The following KIAA1755 variants were observed in gnomAD, a reference collection of about 807,000 sequenced individuals.
KIAA1755 encodes the protein uncharacterized protein KIAA1755.
A neutral mutation model predicts 91.7 loss-of-function variants in KIAA1755; 68 were observed. The observed-to-expected ratio is 0.74, with a 90% confidence interval of 0.61 to 0.91. The LOEUF is 0.91. KIAA1755 is among the 40% of genes least tolerant of loss of function. The pLI, the probability that KIAA1755 is intolerant of heterozygous loss-of-function variation, is 0.00. For missense variants in KIAA1755, 1,535 were observed against 1,494.4 expected (o/e 1.03, Z -0.45); for synonymous variants, 610 against 604.6 (o/e 1.01, Z -0.13).
At chr20:38,227,668 G>T (rs1012188144) in intron 6 of KIAA1755, among the ~76,000 whole-genome samples, 4 of 152,242 alleles carry the variant, frequency 2.6e-5, no homozygotes. Context: ...AGGCCACAGG[G>T]TTGGGTGTGG....
intron 8 of KIAA1755, 93 bp downstream of exon 8, chr20:38,225,572 G>T (rs1024200595): frequency 3.7e-5 from 31 of 842,684 alleles, no homozygotes; most frequent in Non-Finnish European, 6.2e-5. Flanking sequence ...TTATTTTTTA[G>T]CATAGCAGGG....
At chr20:38,216,053 G>A (rs753814706) in intron 13 of KIAA1755, among the ~76,000 whole-genome samples, 2 of 152,104 alleles carry the variant, frequency 1.3e-5, no homozygotes, top group Admixed American at 6.5e-5. Context: ...TCATAGGATC[G>A]GGGCGACAAT....
chr20:38,229,851 C>T (rs1358908680), intron 5 of KIAA1755, among the ~76,000 whole-genome samples: 5 of 152,176 alleles, frequency 3.3e-5, no homozygotes, highest in Non-Finnish European at 7.3e-5. Flanking sequence ...GTCTACCACA[C>T]TAGTCACTTT....
At position 38,211,287 on chromosome 20, in the gene KIAA1755, T is replaced by TC. The variant is rs2075448442; in HGVS notation, c.*1754dup. 1 of 152,302 alleles carries TC rather than the reference T, an allele frequency of 6.6e-6. No homozygotes were observed. The highest frequency in any genetic ancestry group is 6.5e-5 in the Admixed American group (1 of 15,280). 9.4% of individuals were successfully genotyped at this position (152,302 alleles called of 1,614,324 possible). ...TGTGCCTGGCCCAGGCCTGCCTCTC[T>TC]CCCCTTCACAGCCTCATTGTGGGGG... On this transcript the variant is annotated 3_prime_UTR_variant, in exon 14 of 14. Coordinates refer to ENST00000279024, the MANE Select transcript of KIAA1755 (RefSeq NM_001029864.2).
intron 13 of KIAA1755, among the ~76,000 whole-genome samples, chr20:38,215,251 T>C (rs559995948): frequency 2.3e-4 from 35 of 152,204 alleles, no homozygotes; most frequent in African/African-American, 7.9e-4. Context: ...ACAGCGAGAG[T>C]TGGACTCAGA....
At position 38,222,717 on chromosome 20, in the gene KIAA1755, GTC is replaced by G. The variant is rs1474468660; in HGVS notation, c.2269-122_2269-121del. The G allele has an allele frequency of 2.8e-6, 3 of 1,088,418 alleles. No homozygotes were observed. The African/African-American group carries it at 4.7e-5, about 17-fold the overall frequency. 67.4% of individuals were successfully genotyped at this position (1,088,418 alleles called of 1,614,324 possible). A position where few individuals can be genotyped will look rare whatever the true frequency, so the allele number is the denominator to read the frequency against. On this transcript the variant is annotated intron_variant, in intron 9 of 13. Transcript: ENST00000279024. ...TTTGGCATTCAAGGTCCTCCAGAAA[GTC>G]TGTCATTTCTGTCTCTAAAACATCC...
At position 38,260,692 on chromosome 20, in the gene KIAA1755, G is replaced by C; in HGVS notation, c.-192C>G. The C allele has an allele frequency of 2.0e-6, 1 of 505,010 alleles. No individual in the cohort carries two copies. Among genetic ancestry groups the C allele is most frequent in the Non-Finnish European group, 3.1e-6 (1 of 321,060 alleles). 31.3% of individuals were successfully genotyped at this position (505,010 alleles called of 1,614,324 possible). ...CGGGGAGGACAGGGAGAGAGACTGA[G>C]AGAGAGACAGAGAGGGACTGAGGCT... On this transcript the variant is annotated 5_prime_UTR_variant, in exon 1 of 14. Transcript: ENST00000279024.
chr20:38,255,643 T>C (rs542380125), intron 1 of KIAA1755, among the ~76,000 whole-genome samples: 8 of 152,332 alleles, frequency 5.3e-5, no homozygotes, highest in African/African-American at 1.9e-4. Context: ...AGGAAGTTCT[T>C]GCTCACTTCC....
In KIAA1755 at chr20:38,218,195, C is replaced by T. The variant is rs372596899; in HGVS notation, c.2679+49G>A. The T allele has an allele frequency of 1.1e-4, 185 of 1,611,706 alleles. No homozygotes were observed. In the African/African-American group the frequency reaches 2.1e-3, roughly 18 times the overall value. On this transcript the variant is annotated intron_variant, in intron 12 of 13. Coordinates refer to ENST00000279024, the MANE Select transcript of KIAA1755 (RefSeq NM_001029864.2). The stretch of plus-strand genomic sequence containing the variant: ...GCCCTGGCAGTGCCACCCCCTCTAA[C>T]GCCCTCTCCATCTGCTCCAGTCCTG...
intron 1 of KIAA1755, among the ~76,000 whole-genome samples, chr20:38,257,081 T>C (rs1478773725): frequency 6.6e-6 from 1 of 152,070 alleles, no homozygotes; most frequent in Non-Finnish European, 1.5e-5. Context: ...CTCTTTGCTT[T>C]TCAGGACACA....
chr20:38,212,929 C>T lies in KIAA1755; in HGVS notation c.*113G>A. ...CTCCCAGCAGAGGCAGAATGTAAAACCAGTGCTCCATGGTGACGTCTCACT... is the reference window on the plus strand; with the variant it reads ...CTCCCAGCAGAGGCAGAATGTAAAATCAGTGCTCCATGGTGACGTCTCACT... On this transcript the variant is annotated 3_prime_UTR_variant, in exon 14 of 14. Transcript: ENST00000279024. The T allele has an allele frequency of 1.3e-6, 1 of 791,202 alleles. No homozygotes were observed. The highest frequency in any genetic ancestry group is 2.7e-5 in the East Asian group (1 of 37,020). The allele number at this position is 791,202 out of a possible 1,614,324, so 49.0% of individuals were successfully genotyped here. A position where few individuals can be genotyped will look rare whatever the true frequency, so the allele number is the denominator to read the frequency against.
intron 13 of KIAA1755, 98 bp downstream of exon 13, chr20:38,217,155 C>T (rs1370453947): frequency 5.7e-6 from 6 of 1,052,890 alleles, no homozygotes; most frequent in Admixed American, 4.2e-5. Context: ...GGTGTCTATG[C>T]AGTCAGGCCA....
At chr20:38,232,603 G>A (rs999160515) in intron 4 of KIAA1755, among the ~76,000 whole-genome samples, 1 of 151,172 alleles carries the variant, frequency 6.6e-6, no homozygotes, top group African/African-American at 2.4e-5. Context: ...ACTCCAGCCT[G>A]GGCGACAGAG....
chr20:38,251,152 AAT>A (rs1491104411), intron 1 of KIAA1755, among the ~76,000 whole-genome samples: 18 of 152,342 alleles, frequency 1.2e-4, no homozygotes, highest in African/African-American at 4.1e-4. Context: ...AATGAAAACG[AAT>A]AGTACCATTA....
intron 12 of KIAA1755, 46 bp from the exon 13 acceptor site, chr20:38,217,520 T>G: frequency 6.9e-7 from 1 of 1,447,744 alleles, no homozygotes; most frequent in Non-Finnish European, 9.4e-7. Context: ...CCACCTTGGC[T>G]GGGGCCTCCC....
chr20:38,241,125 C>A lies in KIAA1755; in HGVS notation c.1006G>T (p.Ala336Ser). 1 of 1,614,076 alleles carries A rather than the reference C, an allele frequency of 6.2e-7. No individual in the cohort carries two copies. The part of the protein sequence containing the change: ...ANEGPSLGNR[A>S]CTKPESSEER... ...TCAGAGCTTTCTGGCTTTGTGCAAG[C>A]CCGATTTCCCAAGGAAGGTCCTTCA... The change falls in exon 3 of 14, where the codon GCT (alanine) becomes TCT (serine). Residue 336 changes from alanine to serine, a missense_variant. By Grantham distance (99) the Ala-to-Ser change is moderately conservative. Coordinates refer to ENST00000279024, the MANE Select transcript of KIAA1755 (RefSeq NM_001029864.2).
At chr20:38,217,201 G>T in intron 13 of KIAA1755, 52 bp downstream of exon 13, 1 of 1,464,350 alleles carries the variant, frequency 6.8e-7, no homozygotes, top group Non-Finnish European at 9.3e-7. Context: ...CCCCACCATA[G>T]CCCCAGCCAG....
chr20:38,252,683 G>A (rs1027647931), intron 1 of KIAA1755, among the ~76,000 whole-genome samples: 8 of 152,182 alleles, frequency 5.3e-5, no homozygotes, highest in African/African-American at 1.9e-4. Flanking sequence ...CTCTCACAGA[G>A]CAAGGCTCAG....
rs139376869 is a variant in KIAA1755, at chr20:38,227,219, G to A, written c.1987C>T (p.Arg663Trp). 359 of 1,613,698 alleles carry A rather than the reference G, an allele frequency of 2.2e-4. 2 individuals are homozygous for A. The Middle Eastern group carries it at 7.4e-3, about 33-fold the overall frequency. The part of the protein sequence containing the change: ...ATQAQVPASI[R>W]AILFLGEKEA... The stretch of plus-strand genomic sequence containing the variant: ...TTCTCCCCCAGGAAGAGAATAGCCC[G>A]GATAGAGGCTGGGACCTGAGCCTGT... Residue 663 changes from arginine to tryptophan, a missense_variant, in exon 7 of 14, where the codon CGG (arginine) becomes TGG (tryptophan). Transcript: ENST00000279024.
Sources: gnomAD v4.1 joint callset for allele counts (sites outside exome capture counted in the v4.1 genomes callset) on GRCh38, gnomAD v4.1.1 for gene constraint, MANE v1.5 for transcripts, NCBI Gene and HGNC (gene_info 2026-07-23, HGNC 2026-07-21) for gene names.